SUCLG2: variants seen among roughly 807,000 people sequenced by gnomAD.
SUCLG2 encodes succinate--CoA ligase [GDP-forming] subunit beta, mitochondrial.
Under a neutral mutation model 47.9 loss-of-function variants are expected in SUCLG2, and 42 were observed. That is an observed-to-expected ratio of 0.88 (90% CI 0.69 to 1.14). SUCLG2 has a LOEUF of 1.14. Among genes scored for constraint, SUCLG2 ranks in the 50% most tolerant of loss-of-function variants. SUCLG2 has a pLI of 0.00. For synonymous variants in SUCLG2, 195 were observed against 197.3 expected (o/e 0.99, Z 0.10); for missense variants, 571 against 525.9 (o/e 1.09, Z -0.84).
At chr3:67,581,266 C>G (rs1024489757) in intron 2 of SUCLG2, among the ~76,000 whole-genome samples, 1 of 152,122 alleles carries the variant, frequency 6.6e-6, no homozygotes, top group Admixed American at 6.5e-5. Flanking sequence ...TAAGAAGGCA[C>G]AAGATCAAAA....
chr3:67,443,346 C>T (rs1216348914), intron 9 of SUCLG2, among the ~76,000 whole-genome samples: 2 of 38,382 alleles, frequency 5.2e-5, no homozygotes. Context: ...GCCGCCGCGC[C>T]GGCGAGCGCC....
At chr3:67,636,784 C>A (rs1027233053) in intron 1 of SUCLG2, among the ~76,000 whole-genome samples, 1 of 151,926 alleles carries the variant, frequency 6.6e-6, no homozygotes, top group Non-Finnish European at 1.5e-5. Context: ...GTGTGAGCCA[C>A]CATGCCTGGC....
chr3:67,497,739 T>C (rs1009323267), intron 8 of SUCLG2, among the ~76,000 whole-genome samples: 2 of 152,214 alleles, frequency 1.3e-5, no homozygotes, highest in Non-Finnish European at 2.9e-5. Flanking sequence ...TCAATATTTC[T>C]CAGTTGGGGT....
chr3:67,613,047 C>T (rs1034555660), intron 1 of SUCLG2, among the ~76,000 whole-genome samples: 2 of 152,200 alleles, frequency 1.3e-5, no homozygotes, highest in Admixed American at 6.5e-5. Context: ...TACCACCTTG[C>T]AGATACCGCC....
At chr3:67,439,143 A>T (rs1305089315) in intron 9 of SUCLG2, among the ~76,000 whole-genome samples, 1 of 152,226 alleles carries the variant, frequency 6.6e-6, no homozygotes, top group Non-Finnish European at 1.5e-5. Flanking sequence ...AAACCACATG[A>T]TTATCTCAAT....
intron 9 of SUCLG2, among the ~76,000 whole-genome samples, chr3:67,427,254 G>C (rs1226196707): frequency 2.0e-5 from 3 of 152,160 alleles, no homozygotes; most frequent in Non-Finnish European, 4.4e-5. Context: ...ATTGTTGTAA[G>C]ATCAGGCTTT....
intron 9 of SUCLG2, among the ~76,000 whole-genome samples, chr3:67,434,670 T>C (rs1251208833): frequency 6.6e-6 from 1 of 152,196 alleles, no homozygotes; most frequent in Non-Finnish European, 1.5e-5. Flanking sequence ...TTATACTGGT[T>C]GGGAGAAGGG....
At chr3:67,623,491 A>G (rs982115717) in intron 1 of SUCLG2, among the ~76,000 whole-genome samples, 2 of 152,102 alleles carry the variant, frequency 1.3e-5, no homozygotes, top group Non-Finnish European at 2.9e-5. Context: ...ACAGAGTGAG[A>G]CTCCATCTTA....
chr3:67,412,827 A>G (rs1262612640), intron 9 of SUCLG2, among the ~76,000 whole-genome samples: 2 of 152,046 alleles, frequency 1.3e-5, no homozygotes, highest in African/African-American at 2.4e-5. Context: ...TCCTCCATAT[A>G]CTGTGAGATG....
chr3:67,652,774 A>G (rs1331668835), intron 1 of SUCLG2, among the ~76,000 whole-genome samples: 1 of 152,224 alleles, frequency 6.6e-6, no homozygotes, highest in African/African-American at 2.4e-5. Context: ...CTCTCACTGT[A>G]TCGTTGAATA....
chr3:67,383,512 T>C (rs1702202710), intron 10 of SUCLG2, among the ~76,000 whole-genome samples: 1 of 152,240 alleles, frequency 6.6e-6, no homozygotes, highest in Admixed American at 6.5e-5. Flanking sequence ...ATCTCCTCGA[T>C]GATTTCTTCT....
At chr3:67,429,691 T>A (rs1015107053) in intron 9 of SUCLG2, among the ~76,000 whole-genome samples, 1 of 152,178 alleles carries the variant, frequency 6.6e-6, no homozygotes, top group East Asian at 1.9e-4. Flanking sequence ...CAGTGTCCTA[T>A]ATTCAGGAGA....
chr3:67,520,962 T>C (rs557017593), intron 4 of SUCLG2, among the ~76,000 whole-genome samples: 33 of 152,312 alleles, frequency 2.2e-4, no homozygotes, highest in African/African-American at 7.7e-4. Flanking sequence ...TTATTTTAAT[T>C]TGAGATATTA....
chr3:67,492,256 G>A (rs540534087), intron 9 of SUCLG2, among the ~76,000 whole-genome samples: 12 of 152,266 alleles, frequency 7.9e-5, no homozygotes, highest in Middle Eastern at 6.8e-3. Context: ...GGAGAGATTC[G>A]TGCCAAGTGT....
intron 9 of SUCLG2, chr3:67,408,536 G>T: frequency 5.1e-6 from 4 of 787,838 alleles, no homozygotes; most frequent in African/African-American, 1.9e-5. Flanking sequence ...ATCCTCTGGG[G>T]ACAGTAACTT....
At chr3:67,595,257 G>A (rs1708268071) in intron 2 of SUCLG2, among the ~76,000 whole-genome samples, 1 of 152,152 alleles carries the variant, frequency 6.6e-6, no homozygotes, top group Non-Finnish European at 1.5e-5. Flanking sequence ...CGTGAAAGTA[G>A]GTGTGTTTCT....
At chr3:67,530,434 C>T (rs1380801625) in intron 2 of SUCLG2, among the ~76,000 whole-genome samples, 1 of 152,072 alleles carries the variant, frequency 6.6e-6, no homozygotes, top group Non-Finnish European at 1.5e-5. Context: ...ATGGCTAAAC[C>T]AAAAAACTAA....
At chr3:67,602,588 G>T (rs924692818) in intron 2 of SUCLG2, among the ~76,000 whole-genome samples, 3 of 152,018 alleles carry the variant, frequency 2.0e-5, no homozygotes, top group African/African-American at 7.3e-5. Context: ...TTATAAAAGG[G>T]GGATCTCTTT....
chr3:67,439,173 G>C (rs1703696668), intron 9 of SUCLG2, among the ~76,000 whole-genome samples: 1 of 152,132 alleles, frequency 6.6e-6, no homozygotes, highest in South Asian at 2.1e-4. Context: ...AAAGACCTTT[G>C]ATAAAATTCA....
Sources: gnomAD v4.1 joint callset for allele counts (sites outside exome capture counted in the v4.1 genomes callset) on GRCh38, gnomAD v4.1.1 for gene constraint, MANE v1.5 for transcripts, NCBI Gene and HGNC (gene_info 2026-07-23, HGNC 2026-07-21) for gene names.